The following BMPR1B variants were observed in gnomAD, a reference collection of about 807,000 sequenced individuals.
BMPR1B encodes the protein bone morphogenetic protein receptor type-1B.
BMPR1B carries 12 observed loss-of-function variants against 59.1 expected under a neutral mutation model. The observed-to-expected ratio is 0.20, with a 90% confidence interval of 0.13 to 0.33. The LOEUF (loss-of-function observed/expected upper bound fraction) is 0.33, where lower values mean the gene tolerates loss of function less well. BMPR1B is among the 10% of genes least tolerant of loss of function. BMPR1B has a pLI of 1.00. For synonymous variants in BMPR1B, 237 were observed against 207.3 expected, an observed-to-expected ratio of 1.14 and a Z score of -1.23; for missense variants, 550 against 610.9, an observed-to-expected ratio of 0.90 and a Z score of 1.05.
chr4:95,011,238 C>T (rs145695285), intron 3 of BMPR1B, among the ~76,000 whole-genome samples: 3,728 of 151,874 alleles, frequency 0.025, 70 homozygotes, highest in South Asian at 0.036. Context: ...CTCCCTCCGC[C>T]CACCCTCCAC....
chr4:94,818,277 G>C (rs1724082662), intron 1 of BMPR1B, among the ~76,000 whole-genome samples: 1 of 152,106 alleles, frequency 6.6e-6, no homozygotes, highest in Non-Finnish European at 1.5e-5. Context: ...GTTATATACT[G>C]CTAAGTTTGT....
chr4:95,142,846 C>T (rs1734347940), intron 10 of BMPR1B, among the ~76,000 whole-genome samples: 1 of 150,596 alleles, frequency 6.6e-6, no homozygotes, highest in Non-Finnish European at 1.5e-5. Flanking sequence ...CACTTTTAGC[C>T]AGAATTTCTG....
chr4:94,943,909 G>A (rs1729609968), intron 2 of BMPR1B, among the ~76,000 whole-genome samples: 1 of 152,144 alleles, frequency 6.6e-6, no homozygotes, highest in Admixed American at 6.5e-5. Context: ...TGTTGCATAT[G>A]TATATATAGG....
chr4:94,774,811 C>G (rs1722308709), intron 1 of BMPR1B, among the ~76,000 whole-genome samples: 1 of 152,116 alleles, frequency 6.6e-6, no homozygotes, highest in Non-Finnish European at 1.5e-5. Context: ...CTGTTTCTCT[C>G]TCTATCTTTT....
chr4:94,772,359 C>G (rs113967612), intron 1 of BMPR1B, among the ~76,000 whole-genome samples: 1 of 152,100 alleles, frequency 6.6e-6, no homozygotes, highest in African/African-American at 2.4e-5. Flanking sequence ...TCAGCTGAGG[C>G]AGAGTTACTG....
chr4:94,775,481 A>G lies in BMPR1B; in HGVS notation c.-183+17413A>G, dbSNP rs532103402. Among the ~76,000 whole-genome samples, 36 of 152,254 alleles carry G rather than the reference A, an allele frequency of 2.4e-4. 1 individual carries two copies. The South Asian group carries it at 6.8e-3, about 29-fold the overall frequency. ...AACAAAGTTGTTTCCTTTTTTTCCAATTTAAGATATTTCCATCTCTATTTC... is the reference window on the plus strand; with the variant it reads ...AACAAAGTTGTTTCCTTTTTTTCCAGTTTAAGATATTTCCATCTCTATTTC... On this transcript the variant is annotated intron_variant, in intron 1 of 12. Transcript: ENST00000515059.
At chr4:95,029,136 A>G (rs898632092) in intron 3 of BMPR1B, among the ~76,000 whole-genome samples, 1 of 151,712 alleles carries the variant, frequency 6.6e-6, no homozygotes, top group Non-Finnish European at 1.5e-5. Flanking sequence ...TAGGGTACAT[A>G]TGCACAATGT....
intron 2 of BMPR1B, among the ~76,000 whole-genome samples, chr4:94,935,771 C>T (rs542268933): frequency 2.8e-4 from 43 of 152,298 alleles, no homozygotes; most frequent in African/African-American, 1.0e-3. Flanking sequence ...TCATATTCAT[C>T]TCAGTATAGG....
At chr4:94,774,888 G>A (rs944289916) in intron 1 of BMPR1B, among the ~76,000 whole-genome samples, 2 of 151,982 alleles carry the variant, frequency 1.3e-5, no homozygotes, top group Non-Finnish European at 2.9e-5. Flanking sequence ...CTTTTGTATG[G>A]TTCTGATCTT....
intron 8 of BMPR1B, 150 bp from the exon 9 acceptor site, chr4:95,129,712 A>G: frequency 1.4e-6 from 1 of 710,362 alleles, no homozygotes; most frequent in African/African-American, 1.8e-5. Flanking sequence ...ACATAAATTA[A>G]TAAATAAATA....
intron 2 of BMPR1B, among the ~76,000 whole-genome samples, chr4:94,967,752 G>A (rs1396208715): frequency 1.3e-5 from 2 of 152,138 alleles, no homozygotes; most frequent in Non-Finnish European, 2.9e-5. Context: ...CAAAGTGCTG[G>A]AATTACAGGC....
At chr4:94,773,558 ATTC>A (rs1352500812) in intron 1 of BMPR1B, among the ~76,000 whole-genome samples, 2 of 152,088 alleles carry the variant, frequency 1.3e-5, no homozygotes, top group Admixed American at 1.3e-4. Flanking sequence ...TAAATACTGT[ATTC>A]TTTTCTTAGA....
At chr4:95,111,102 A>G (rs1262669977) in intron 4 of BMPR1B, among the ~76,000 whole-genome samples, 16 of 152,186 alleles carry the variant, frequency 1.1e-4, no homozygotes. Flanking sequence ...AAAGAAATTT[A>G]AGAGTTGTTG....
intron 2 of BMPR1B, among the ~76,000 whole-genome samples, chr4:94,944,339 C>T (rs1729626691): frequency 6.6e-6 from 1 of 152,128 alleles, no homozygotes; most frequent in South Asian, 2.1e-4. Flanking sequence ...TTAAAAAATA[C>T]TAAAATTAGG....
chr4:94,842,676 A>G (rs1725137384), intron 1 of BMPR1B, among the ~76,000 whole-genome samples: 1 of 152,138 alleles, frequency 6.6e-6, no homozygotes, highest in Non-Finnish European at 1.5e-5. Flanking sequence ...CTTTGTACCC[A>G]AGGCCATTAC....
At chr4:94,828,645 AT>A (rs908301039) in intron 1 of BMPR1B, among the ~76,000 whole-genome samples, 3 of 149,852 alleles carry the variant, frequency 2.0e-5, no homozygotes, top group Admixed American at 6.6e-5. Context: ...GAGAATGGAT[AT>A]TTTTTTTCCC....
intron 3 of BMPR1B, among the ~76,000 whole-genome samples, chr4:95,030,138 A>T (rs1279760764): frequency 6.6e-6 from 1 of 151,664 alleles, no homozygotes; most frequent in East Asian, 1.9e-4. Context: ...CCATTTGTCA[A>T]TTTTGGCTTT....
intron 2 of BMPR1B, among the ~76,000 whole-genome samples, chr4:94,987,095 T>C (rs1300686899): frequency 3.6e-5 from 1 of 27,912 alleles, no homozygotes; most frequent in Non-Finnish European, 7.7e-5. Flanking sequence ...ATGTATTATA[T>C]ATACTATATA....
Position 95,078,645 on chromosome 4 carries a change from A to G in BMPR1B, c.-17-25763A>G, listed in dbSNP as rs530431568. Reference sequence around the variant, plus strand: ...AATGTGCTGCCAAGGTTACATTGGTACTAGAAACTGTGTTCAGAACCCTCT... The same window carrying G: ...AATGTGCTGCCAAGGTTACATTGGTGCTAGAAACTGTGTTCAGAACCCTCT... On this transcript the variant is annotated intron_variant, in intron 3 of 12. Transcript: ENST00000515059. Among the ~76,000 whole-genome samples the G allele has an allele frequency of 7.9e-5, 12 of 152,358 alleles. No individual in the cohort carries two copies. In the South Asian group the frequency reaches 2.5e-3, roughly 32 times the overall value.
Sources: gnomAD v4.1 joint callset for allele counts (sites outside exome capture counted in the v4.1 genomes callset) on GRCh38, gnomAD v4.1.1 for gene constraint, MANE v1.5 for transcripts, NCBI Gene and HGNC (gene_info 2026-07-23, HGNC 2026-07-21) for gene names.